DCC: variants seen among roughly 807,000 people sequenced by gnomAD.
The protein encoded by DCC is netrin receptor DCC.
Under a neutral mutation model 172.5 loss-of-function variants are expected in DCC, and 58 were observed. That is an observed-to-expected ratio of 0.34 (90% CI 0.27 to 0.42). The LOEUF is 0.42. Among genes scored for constraint, DCC ranks in the 10% least tolerant of loss-of-function variants. The probability of loss-of-function intolerance (pLI) is 1.00; values close to 1 mark genes in which losing one functional copy is unlikely to be tolerated. For missense variants in DCC, 1,740 were observed against 1,791.0 expected, an observed-to-expected ratio of 0.97 and a Z score of 0.51; for synonymous variants, 709 against 644.5, an observed-to-expected ratio of 1.10 and a Z score of -1.52.
chr18:52,442,863 G>T (rs930546869), intron 1 of DCC, among the ~76,000 whole-genome samples: 1 of 152,146 alleles, frequency 6.6e-6, no homozygotes, highest in Non-Finnish European at 1.5e-5. Context: ...GTCTGCAGGG[G>T]CCAGGCAGTC....
intron 1 of DCC, among the ~76,000 whole-genome samples, chr18:52,397,237 G>T (rs1434457397): frequency 1.3e-5 from 2 of 151,898 alleles, no homozygotes; most frequent in Non-Finnish European, 2.9e-5. Flanking sequence ...AATATTCTGG[G>T]GAAGAGCTCC....
intron 1 of DCC, among the ~76,000 whole-genome samples, chr18:52,395,670 C>T (rs1196384444): frequency 3.9e-5 from 6 of 152,028 alleles, no homozygotes; most frequent in Non-Finnish European, 7.4e-5. Flanking sequence ...GGTTTCTCTA[C>T]CCAGCTATTC....
chr18:53,245,233 T>G (rs1000561382), intron 12 of DCC, among the ~76,000 whole-genome samples: 1 of 152,176 alleles, frequency 6.6e-6, no homozygotes, highest in African/African-American at 2.4e-5. Context: ...CAGAGCTGCT[T>G]CTCTGTCATC....
intron 1 of DCC, among the ~76,000 whole-genome samples, chr18:52,718,067 G>C (rs533199909): frequency 6.6e-6 from 1 of 152,164 alleles, no homozygotes; most frequent in Non-Finnish European, 1.5e-5. Flanking sequence ...GGCATGAGTG[G>C]GACTTCTGGA....
intron 25 of DCC, among the ~76,000 whole-genome samples, chr18:53,478,658 A>G (rs903470671): frequency 1.3e-5 from 2 of 152,232 alleles, no homozygotes; most frequent in African/African-American, 4.8e-5. Flanking sequence ...ACACTTTGCC[A>G]TGGTAATGGC....
intron 8 of DCC, among the ~76,000 whole-genome samples, chr18:53,174,766 A>G (rs1323408988): frequency 1.3e-5 from 2 of 149,868 alleles, no homozygotes; most frequent in Non-Finnish European, 3.0e-5. Flanking sequence ...AACTAGTACC[A>G]TTCCTTCTGA....
intron 21 of DCC, among the ~76,000 whole-genome samples, chr18:53,422,616 A>G (rs905216690): frequency 2.0e-5 from 3 of 152,142 alleles, no homozygotes; most frequent in Admixed American, 2.0e-4. Context: ...TGCACCTGCC[A>G]TTTTACACCT....
chr18:52,627,000 T>C (rs1469130048), intron 1 of DCC, among the ~76,000 whole-genome samples: 2 of 152,222 alleles, frequency 1.3e-5, no homozygotes, highest in African/African-American at 4.8e-5. Context: ...TCCATCCCTC[T>C]CACACTACCC....
intron 1 of DCC, among the ~76,000 whole-genome samples, chr18:52,630,423 A>G (rs2034653273): frequency 6.6e-6 from 1 of 152,188 alleles, no homozygotes; most frequent in African/African-American, 2.4e-5. Flanking sequence ...ATCTGACTTC[A>G]TTTTACTGAG....
At chr18:53,402,279 A>G (rs1202086051) in intron 18 of DCC, among the ~76,000 whole-genome samples, 1 of 152,026 alleles carries the variant, frequency 6.6e-6, no homozygotes, top group Admixed American at 6.6e-5. Context: ...GGATCCGGCT[A>G]CTCAGGAGGC....
chr18:53,376,359 C>A (rs1026201813), intron 15 of DCC, among the ~76,000 whole-genome samples: 1 of 151,844 alleles, frequency 6.6e-6, no homozygotes. Flanking sequence ...ACTCTAGCCC[C>A]GGCGAGTGAG....
At chr18:53,401,682 CA>C (rs1259354465) in intron 18 of DCC, among the ~76,000 whole-genome samples, 11 of 152,088 alleles carry the variant, frequency 7.2e-5, no homozygotes, top group Non-Finnish European at 1.3e-4. Context: ...CTCCAGATCC[CA>C]AACACGGAAC....
chr18:53,047,797 C>G (rs1170151973), intron 5 of DCC, among the ~76,000 whole-genome samples: 2 of 151,580 alleles, frequency 1.3e-5, no homozygotes, highest in African/African-American at 4.8e-5. Context: ...TGTACTTAAC[C>G]TCTCTACGCC....
intron 1 of DCC, among the ~76,000 whole-genome samples, chr18:52,679,522 A>G (rs1000583947): frequency 6.6e-6 from 1 of 152,144 alleles, no homozygotes; most frequent in Non-Finnish European, 1.5e-5. Context: ...GTTGGTTGCT[A>G]GGTAACAGGA....
In DCC at chr18:53,031,146, CT is replaced by C. The variant is rs530133905; in HGVS notation, c.986-32158del. ...TTGTGGTGGGCATCTGTAATCCCAG[CT>C]ACTTGGGAGGCTGAGGCCGGAGAAT... On this transcript the variant is annotated intron_variant, in intron 5 of 28. Coordinates refer to ENST00000442544, the MANE Select transcript of DCC (RefSeq NM_005215.4). Among the ~76,000 whole-genome samples, 369 of 152,208 alleles carry C rather than the reference CT, an allele frequency of 2.4e-3. 1 individual carries two copies. Among genetic ancestry groups the C allele is most frequent in the African/African-American group, 8.3e-3 (346 of 41,524 alleles).
At position 53,488,239 on chromosome 18, in the gene DCC, G is replaced by A. The variant is rs60575203; in HGVS notation, c.3898+1281G>A. ...GTCTCTTCTAAATTAGTTGGGTGTGGTGGCGCATGCCTATAGTCCCAGCTA... is the reference window on the plus strand; with the variant it reads ...GTCTCTTCTAAATTAGTTGGGTGTGATGGCGCATGCCTATAGTCCCAGCTA... On this transcript the variant is annotated intron_variant, in intron 26 of 28. Coordinates refer to ENST00000442544, the MANE Select transcript of DCC (RefSeq NM_005215.4). Among the ~76,000 whole-genome samples the A allele has an allele frequency of 5.6e-3, 850 of 152,290 alleles. 10 individuals carry two copies. The highest frequency in any genetic ancestry group is 0.02 in the African/African-American group (819 of 41,548).
At chr18:52,610,172 AAAAAAAATATATATATATATAT>A (rs1360083527) in intron 1 of DCC, among the ~76,000 whole-genome samples, 14 of 18,806 alleles carry the variant, frequency 7.4e-4, no homozygotes, top group South Asian at 2.6e-3. Flanking sequence ...AAAAAAAAAA[AAAAAAAATATATATATATATAT>A]ATATATATAT....
chr18:52,433,345 A>T (rs542647812), intron 1 of DCC, among the ~76,000 whole-genome samples: 1 of 152,158 alleles, frequency 6.6e-6, no homozygotes, highest in Non-Finnish European at 1.5e-5. Flanking sequence ...GTTCATTTGA[A>T]TATCATTTGG....
chr18:52,844,855 T>A (rs1315267143), intron 2 of DCC, among the ~76,000 whole-genome samples: 2 of 152,194 alleles, frequency 1.3e-5, no homozygotes, highest in African/African-American at 4.8e-5. Flanking sequence ...ATTTTGACCA[T>A]CAAAAGTCTC....
Sources: allele counts gnomAD v4.1 joint callset (sites outside exome capture counted in the v4.1 genomes callset), GRCh38; gene constraint gnomAD v4.1.1; transcripts MANE v1.5; gene names NCBI Gene and HGNC (gene_info 2026-07-23, HGNC 2026-07-21).